The following AVIL variants were observed in gnomAD, a reference collection of about 807,000 sequenced individuals.
The protein encoded by AVIL is advillin.
A neutral mutation model predicts 109.9 loss-of-function variants in AVIL; 78 were observed. The ratio of observed to expected loss-of-function variants is 0.71; its 90% CI spans 0.59 to 0.86. The LOEUF is 0.86. Among genes scored for constraint, AVIL ranks in the 40% least tolerant of loss-of-function variants. The probability of loss-of-function intolerance (pLI) is 0.00; values close to 1 mark genes in which losing one functional copy is unlikely to be tolerated. For synonymous variants in AVIL, 367 were observed against 379.1 expected (o/e 0.97, Z 0.37); for missense variants, 892 against 1,016.5 (o/e 0.88, Z 1.67).
Position 57,803,396 on chromosome 12 carries a change from AATATAGTCC to A in AVIL, c.1818-14_1818-6del, listed in dbSNP as rs1955889068. ...TCTAGGATTTCCTGCTGAAGTCTGC[AATATAGTCC>A]ATTTAAGGGCATCAAGCTGCTTAGA... On this transcript the variant is annotated splice_polypyrimidine_tract_variant and splice_region_variant and intron_variant, in intron 15 of 19. Transcript: ENST00000549994. 6.2e-7 allele frequency: 1 copy of A among 1,614,226 alleles called. No individual in the cohort carries two copies.
chr12:57,815,721 G>A (rs1384535356), intron 2 of AVIL: 1 of 1,398,322 alleles, frequency 7.2e-7, no homozygotes, highest in Non-Finnish European at 9.3e-7. Context: ...TGAGCAGGTG[G>A]CTGGCTAAAG....
chr12:57,800,414 CT>C, intron 18 of AVIL: 1 of 153,692 alleles, frequency 6.5e-6, no homozygotes, highest in Non-Finnish European at 1.5e-5. Context: ...TAAAGAACTG[CT>C]GGATTCCTGG....
intron 4 of AVIL, among the ~76,000 whole-genome samples, chr12:57,812,452 C>T (rs1467508878): frequency 1.3e-5 from 2 of 152,176 alleles, no homozygotes; most frequent in Admixed American, 1.3e-4. Context: ...ACCTTCGCCT[C>T]CTGGGTTCAA....
At chr12:57,813,027 C>T (rs1350158898) in intron 4 of AVIL, among the ~76,000 whole-genome samples, 200 bp downstream of exon 4, 1 of 152,234 alleles carries the variant, frequency 6.6e-6, no homozygotes, top group African/African-American at 2.4e-5. Flanking sequence ...CAGCAGGGCA[C>T]AAGGGCTCCT....
At position 57,799,878 on chromosome 12, in the gene AVIL, C is replaced by T; in HGVS notation, c.2263G>A (p.Glu755Lys). The T allele has an allele frequency of 6.2e-7, 1 of 1,614,180 alleles. No homozygotes were observed. The highest frequency in any genetic ancestry group is 8.5e-7 in the Non-Finnish European group (1 of 1,180,038). Residue 755 changes from glutamate to lysine, a missense_variant, in exon 19 of 20, where the codon GAG becomes AAG. Transcript: ENST00000549994. ...ACTGCTATAGGGTAATATTTTGGCT[C>T]ACTGTCATTAGAATTCAGGGAGAGG... ...ATLSLNSNDSEPKYYPIAVLL... is the reference protein window; with the variant it reads ...ATLSLNSNDSKPKYYPIAVLL...
At chr12:57,801,089 C>T (rs1955837464) in intron 18 of AVIL, 55 bp downstream of exon 18, 1 of 1,464,108 alleles carries the variant, frequency 6.8e-7, no homozygotes, top group Non-Finnish European at 9.5e-7. Context: ...TTTGTGTGTT[C>T]TCTGGCTCTG....
rs953827530 is a variant in AVIL, at chr12:57,797,971, C to G, written c.2371G>C (p.Val791Leu). The stretch of plus-strand genomic sequence containing the variant: ...CCTCTTGTGATGCCAAACACAGACA[C>G]AAAGTCCTGTTCAGAGAGGTAATTC... ...KENYLSEQDFVSVFGITRGQF... is the reference protein window; with the variant it reads ...KENYLSEQDFLSVFGITRGQF... Residue 791 changes from valine (V) to leucine (L), a missense_variant, in exon 20 of 20, where the codon GTG (valine) becomes CTG (leucine). Coordinates refer to ENST00000549994, the MANE Select transcript of AVIL (RefSeq NM_006576.4). 1.2e-6 allele frequency: 2 copies of G among 1,612,684 alleles called. No individual in the cohort carries two copies. The highest frequency in any genetic ancestry group is 3.3e-5 in the Admixed American group (2 of 59,824).
chr12:57,806,892 G>A (rs77782726), intron 13 of AVIL, among the ~76,000 whole-genome samples: 137 of 152,354 alleles, frequency 9.0e-4, no homozygotes, highest in African/African-American at 3.3e-3. Flanking sequence ...CCCCAGACTT[G>A]TGTGATATCA....
At chr12:57,816,181 A>T in intron 1 of AVIL, 122 bp from the exon 2 acceptor site, 1 of 737,336 alleles carries the variant, frequency 1.4e-6, no homozygotes, top group Non-Finnish European at 2.2e-6. Flanking sequence ...CTCATGGTGC[A>T]TCCCTGCACC....
Position 57,810,756 on chromosome 12 carries a change from C to G in AVIL, c.558+60G>C, listed in dbSNP as rs572474054. 190 of 1,552,356 alleles carry G rather than the reference C, an allele frequency of 1.2e-4. No homozygotes were observed. In the African/African-American group the frequency reaches 2.4e-3, roughly 20 times the overall value. On this transcript the variant is annotated intron_variant, in intron 6 of 19. Transcript: ENST00000549994. ...CTCCACCTTGATTCTTGGGGAAGAG[C>G]CAGCATGGAGGGAAGAAGAAAGAGG...
chr12:57,801,274 G>T, intron 17 of AVIL, 62 bp from the exon 18 acceptor site: 1 of 1,391,352 alleles, frequency 7.2e-7, no homozygotes, highest in Non-Finnish European at 1.0e-6. Flanking sequence ...GACATCTTAG[G>T]TCTGGTCTGT....
intron 18 of AVIL, 112 bp downstream of exon 18, chr12:57,801,032 T>G: frequency 1.2e-6 from 1 of 810,608 alleles, no homozygotes; most frequent in Admixed American, 2.5e-5. Flanking sequence ...AACAGACAAC[T>G]ATGGTAATAC....
At chr12:57,811,915 C>G (rs1334145187) in intron 4 of AVIL, among the ~76,000 whole-genome samples, 1 of 152,244 alleles carries the variant, frequency 6.6e-6, no homozygotes, top group African/African-American at 2.4e-5. Flanking sequence ...ATCTGCCTGT[C>G]CTACTCCCAT....
In AVIL at chr12:57,797,791, G is replaced by A; in HGVS notation, c.*91C>T. 9.6e-7 allele frequency: 1 copy of A among 1,045,318 alleles called. No homozygotes were observed. Among genetic ancestry groups the A allele is most frequent in the Non-Finnish European group, 1.3e-6 (1 of 755,840 alleles). 64.8% of individuals were successfully genotyped at this position (1,045,318 alleles called of 1,614,324 possible). A position where few individuals can be genotyped will look rare whatever the true frequency, so the allele number is the denominator to read the frequency against. Reference sequence around the variant, plus strand: ...TTATATCTAAATTAAGTAGCTGAATGTCAGGCAGAAATTGGTGGATAAATT... The same window carrying A: ...TTATATCTAAATTAAGTAGCTGAATATCAGGCAGAAATTGGTGGATAAATT... On this transcript the variant is annotated 3_prime_UTR_variant, in exon 20 of 20. Transcript: ENST00000549994.
rs1955989713 is a variant in AVIL, at chr12:57,808,553, A to G, written c.940-5T>C. ...GCTCTTCATCTTGATGAAGCCCTGC[A>G]GAGCCACCCATTCCCAAAGGCAGGT... is the stretch of plus-strand genomic sequence containing the variant. On this transcript the variant is annotated splice_region_variant and splice_polypyrimidine_tract_variant and intron_variant, in intron 9 of 19. Transcript: ENST00000549994. The G allele has an allele frequency of 6.2e-7, 1 of 1,613,662 alleles. No homozygotes were observed. Among genetic ancestry groups the G allele is most frequent in the East Asian group, 2.2e-5 (1 of 44,882 alleles).
In AVIL at chr12:57,809,875, A is replaced by G; in HGVS notation, c.777T>C (p.Ala259=). The G allele has an allele frequency of 1.2e-6, 2 of 1,614,210 alleles. No individual in the cohort carries two copies. The highest frequency in any genetic ancestry group is 1.7e-6 in the Non-Finnish European group (2 of 1,180,036). The stretch of plus-strand genomic sequence containing the variant: ...CTACCTCTGTGACTGCCAGCTGCCC[A>G]GCTGAATCTGAGATACTGGAGAAGG... ...TIMLYHISDS[A]GQLAVTEVAT... Residue 259 remains alanine (A), a synonymous_variant, in exon 8 of 20, where the codon GCT becomes GCC. Transcript: ENST00000549994.
chr12:57,803,872 T>C, intron 14 of AVIL: 1 of 588,218 alleles, frequency 1.7e-6, no homozygotes, highest in Admixed American at 3.7e-5. Flanking sequence ...GGACTAGGCT[T>C]TGAAACCCAC....
At chr12:57,815,324 G>A (rs539111736) in intron 2 of AVIL, among the ~76,000 whole-genome samples, 15 of 152,342 alleles carry the variant, frequency 9.8e-5, no homozygotes, top group African/African-American at 2.9e-4. Context: ...CAATCTCTGC[G>A]AGGCTTGCTG....
chr12:57,810,590 GA>G, intron 6 of AVIL, 39 bp from the exon 7 acceptor site: 1 of 1,606,312 alleles, frequency 6.2e-7, no homozygotes, highest in Non-Finnish European at 8.5e-7. Flanking sequence ...GCTCCTCTGG[GA>G]CCCCTTTCTG....
Sources: gnomAD v4.1 joint callset for allele counts (sites outside exome capture counted in the v4.1 genomes callset) on GRCh38, gnomAD v4.1.1 for gene constraint, MANE v1.5 for transcripts, NCBI Gene and HGNC (gene_info 2026-07-23, HGNC 2026-07-21) for gene names.